The following ZNF721 variants were observed in gnomAD, a reference collection of about 807,000 sequenced individuals.
ZNF721 encodes zinc finger protein 721.
In ZNF721, 2 loss-of-function variants were observed where a neutral mutation model predicts 2.4. The observed-to-expected ratio is 0.82, with a 90% CI of 0.34 to 2.58. ZNF721 has a LOEUF of 2.58. ZNF721 is among the 30% of genes most tolerant of loss of function. ZNF721 has a pLI of 0.11. For synonymous variants in ZNF721, 398 were observed against 381.8 expected (o/e 1.04, Z -0.50); for missense variants, 1,187 against 1,085.5 (o/e 1.09, Z -1.31).
rs1326949685 is a variant in ZNF721 at position 498,722 on chromosome 4, T to TTTTC, written c.-94+330_-94+333dup. Among the ~76,000 whole-genome samples the TTTTC allele has an allele frequency of 2.7e-4, 38 of 142,506 alleles. 1 individual carries two copies. The highest frequency in any genetic ancestry group is 9.2e-4 in the African/African-American group (36 of 38,932). The allele number at this position is 142,506 out of a possible 152,430, so 93.5% of individuals were successfully genotyped here. On this transcript the variant is annotated intron_variant, in intron 1 of 2. Coordinates refer to ENST00000511833, the MANE Select transcript of ZNF721 (RefSeq NM_133474.4). The stretch of plus-strand genomic sequence containing the variant: ...CAGTTGTCTGAGGTATTGGGTTGAA[T>TTTTC]TTTCTTTTTTTTTTTTTTTTTGAGA...
At chr4:454,809 C>T (rs2011267) in intron 2 of ZNF721, among the ~76,000 whole-genome samples, 22,245 of 152,218 alleles carry the variant, frequency 0.15, 2,265 homozygotes, top group African/African-American at 0.29. Flanking sequence ...CATCCAGTGC[C>T]GTTTTGGAGA....
chr4:460,462 T>G (rs1349585192), intron 2 of ZNF721, among the ~76,000 whole-genome samples: 1 of 152,046 alleles, frequency 6.6e-6, no homozygotes, highest in Admixed American at 6.6e-5. Flanking sequence ...TCTATACCAC[T>G]AAATGCCCAC....
intron 2 of ZNF721, among the ~76,000 whole-genome samples, chr4:470,545 C>A (rs113288558): frequency 0.072 from 11,025 of 152,110 alleles, 692 homozygotes; most frequent in African/African-American, 0.18. Context: ...GAAACCCCAT[C>A]TCTACTAAAA....
At chr4:468,654 C>A (rs1308301008) in intron 2 of ZNF721, among the ~76,000 whole-genome samples, 2 of 152,200 alleles carry the variant, frequency 1.3e-5, no homozygotes, top group Non-Finnish European at 1.5e-5. Flanking sequence ...GGCCACACAG[C>A]AGACCCAGCA....
chr4:462,944 G>A lies in ZNF721; in HGVS notation c.34+9631C>T, dbSNP rs181670316. 5.9e-5 allele frequency among the ~76,000 whole-genome samples: 9 copies of A among 152,198 alleles called. No individual in the cohort carries two copies. In the East Asian group the frequency reaches 1.7e-3, roughly 29 times the overall value. ...AAAGAGCTTCTGCACAGCAAAAGAA[G>A]TTATCATCAGAGTGAACAGGCAACC... On this transcript the variant is annotated intron_variant, in intron 2 of 2. Transcript: ENST00000511833.
At chr4:461,101 G>C in intron 2 of ZNF721, among the ~76,000 whole-genome samples, 1 of 152,150 alleles carries the variant, frequency 6.6e-6, no homozygotes, top group Non-Finnish European at 1.5e-5. Context: ...CTCATTTTAT[G>C]AGGCCAGCAT....
intron 1 of ZNF721, among the ~76,000 whole-genome samples, chr4:474,385 A>AT (rs1196523080): frequency 6.6e-6 from 1 of 152,190 alleles, no homozygotes; most frequent in Non-Finnish European, 1.5e-5. Context: ...CACAGGGTTC[A>AT]TTTTAACCTT....
At chr4:491,500 G>T (rs1285715197) in intron 1 of ZNF721, among the ~76,000 whole-genome samples, 1 of 152,252 alleles carries the variant, frequency 6.6e-6, no homozygotes, top group Non-Finnish European at 1.5e-5. Flanking sequence ...TGGAAGGACA[G>T]CTCGGCTCTG....
chr4:482,678 G>T (rs1362542906), intron 1 of ZNF721, among the ~76,000 whole-genome samples: 3 of 151,362 alleles, frequency 2.0e-5, no homozygotes, highest in Non-Finnish European at 1.5e-5. Context: ...TGTATTTTTA[G>T]TAGAGACGGG....
chr4:485,458 T>C (rs1715869539), intron 1 of ZNF721, among the ~76,000 whole-genome samples: 1 of 151,208 alleles, frequency 6.6e-6, no homozygotes, highest in African/African-American at 2.4e-5. Context: ...TAGAGGTGAG[T>C]AGAGAACACA....
At chr4:485,521 G>C (rs1409585672) in intron 1 of ZNF721, among the ~76,000 whole-genome samples, 1 of 152,012 alleles carries the variant, frequency 6.6e-6, no homozygotes, top group Non-Finnish European at 1.5e-5. Context: ...ACAAAGGCGG[G>C]ACTGAAAGGC....
At position 443,378 on chromosome 4, in the gene ZNF721, G is replaced by A. The variant is rs375258970; in HGVS notation, c.1089C>T (p.Cys363=). 7.5e-5 allele frequency: 121 copies of A among 1,612,022 alleles called. No individual in the cohort carries two copies. The highest frequency in any genetic ancestry group is 8.8e-5 in the South Asian group (8 of 90,982). The change falls in exon 3 of 3, where the codon TGC becomes TGT. Residue 363 remains cysteine (C), a synonymous_variant. Coordinates refer to ENST00000511833, the MANE Select transcript of ZNF721 (RefSeq NM_133474.4). ...RIHTGEKPYK[C]EDCGKAFGRY... ...GTCCAAAGGCTTTGCCACAGTCTTC[G>A]CATTTGTAAGGTTTCTCTCCAGTAT... is the stretch of plus-strand genomic sequence containing the variant.
Position 441,785 on chromosome 4 carries a change from C to A in ZNF721, c.2682G>T (p.Thr894=), listed in dbSNP as rs781856378. The change falls in exon 3 of 3, where the codon ACG becomes ACT. Residue 894 remains threonine, a synonymous_variant. Transcript: ENST00000511833. ...KKIHTGEKPY[T]CGDCGKTFRQ... ...TAAAGGTTTTGCCACAGTCTCCACA[C>A]GTGTAGGGTTTCTCTCCAGTATGAA... 3 of 1,612,598 alleles carry A rather than the reference C, an allele frequency of 1.9e-6. No homozygotes were observed. The highest frequency in any genetic ancestry group is 2.5e-6 in the Non-Finnish European group (3 of 1,179,686).
chr4:494,612 G>A (rs570450737), intron 1 of ZNF721, among the ~76,000 whole-genome samples: 1 of 152,162 alleles, frequency 6.6e-6, no homozygotes, highest in South Asian at 2.1e-4. Context: ...GCATAAGAAA[G>A]GAAACAACTC....
chr4:494,661 T>C (rs1716104815), intron 1 of ZNF721, among the ~76,000 whole-genome samples: 1 of 152,106 alleles, frequency 6.6e-6, no homozygotes, highest in African/African-American at 2.4e-5. Context: ...TCATAAGGTA[T>C]AGAGAGAAAA....
At chr4:482,299 G>A (rs1408456697) in intron 1 of ZNF721, among the ~76,000 whole-genome samples, 1 of 152,062 alleles carries the variant, frequency 6.6e-6, no homozygotes. Flanking sequence ...GAGCCACTAG[G>A]ATTACAGGCA....
At chr4:478,037 A>C (rs1200175874) in intron 1 of ZNF721, among the ~76,000 whole-genome samples, 1 of 152,228 alleles carries the variant, frequency 6.6e-6, no homozygotes, top group Non-Finnish European at 1.5e-5. Flanking sequence ...ACCGATGTGG[A>C]AATTTTTTTA....
intron 1 of ZNF721, among the ~76,000 whole-genome samples, chr4:476,858 T>G (rs185175604): frequency 4.6e-5 from 7 of 152,356 alleles, no homozygotes; most frequent in African/African-American, 7.2e-5. Flanking sequence ...AGAAAAATGC[T>G]GTTTCTGGGT....
intron 2 of ZNF721, chr4:453,691 A>G (rs984352002): frequency 1.3e-5 from 2 of 152,260 alleles, no homozygotes; most frequent in Non-Finnish European, 2.9e-5. Context: ...CTATGCGTCC[A>G]GCTGCCAGAG....
Sources: gnomAD v4.1 joint callset for allele counts (sites outside exome capture counted in the v4.1 genomes callset) on GRCh38, gnomAD v4.1.1 for gene constraint, MANE v1.5 for transcripts, NCBI Gene and HGNC (gene_info 2026-07-23, HGNC 2026-07-21) for gene names.